The following CDH13 variants were observed in gnomAD, a reference collection of about 807,000 sequenced individuals.
The protein encoded by CDH13 is cadherin-13.
A neutral mutation model predicts 63.8 loss-of-function variants in CDH13; 24 were observed. That is an observed-to-expected ratio of 0.38 (90% CI 0.27 to 0.53). The LOEUF (loss-of-function observed/expected upper bound fraction) is 0.53. Among genes scored for constraint, CDH13 ranks in the 20% least tolerant of loss-of-function variants. CDH13 has a pLI of 0.85. For synonymous variants in CDH13, 503 were observed against 355.3 expected (o/e 1.42, Z -4.67); for missense variants, 1,049 against 903.1 (o/e 1.16, Z -2.07).
intron 2 of CDH13, among the ~76,000 whole-genome samples, chr16:82,907,099 C>T (rs968767115): frequency 6.6e-6 from 1 of 152,154 alleles, no homozygotes; most frequent in African/African-American, 2.4e-5. Flanking sequence ...TAATTGGCCT[C>T]TTATTCAAGG....
intron 6 of CDH13, among the ~76,000 whole-genome samples, chr16:83,424,076 A>G: frequency 6.6e-6 from 1 of 152,290 alleles, no homozygotes; most frequent in South Asian, 2.1e-4. Context: ...AGGGAAATCC[A>G]ACAGGGACTG....
At chr16:83,604,629 A>G (rs1908158478) in intron 8 of CDH13, among the ~76,000 whole-genome samples, 1 of 152,144 alleles carries the variant, frequency 6.6e-6, no homozygotes, top group East Asian at 1.9e-4. Context: ...GCTACCTTAT[A>G]TGGCTTATGG....
chr16:83,058,095 A>G (rs1431628651), intron 3 of CDH13, among the ~76,000 whole-genome samples: 1 of 152,254 alleles, frequency 6.6e-6, no homozygotes, highest in Non-Finnish European at 1.5e-5. Context: ...TCTTAAAAAT[A>G]TAAATCGTTA....
intron 2 of CDH13, among the ~76,000 whole-genome samples, chr16:82,910,394 C>A (rs972010101): frequency 1.3e-5 from 2 of 152,168 alleles, no homozygotes; most frequent in Non-Finnish European, 2.9e-5. Flanking sequence ...TTTAAAGTAC[C>A]TTCTTATCCC....
intron 1 of CDH13, among the ~76,000 whole-genome samples, chr16:82,690,783 C>G (rs1482425458): frequency 6.6e-6 from 1 of 152,238 alleles, no homozygotes; most frequent in Non-Finnish European, 1.5e-5. Context: ...GCACAACCTG[C>G]TCACACCTCT....
intron 1 of CDH13, among the ~76,000 whole-genome samples, chr16:82,830,494 T>C (rs2151112624): frequency 6.6e-6 from 1 of 152,244 alleles, no homozygotes; most frequent in East Asian, 1.9e-4. Context: ...TGGGGAGTGA[T>C]ACAGTGAAAG....
intron 1 of CDH13, among the ~76,000 whole-genome samples, chr16:82,812,208 C>A (rs2037481871): frequency 6.6e-6 from 1 of 152,144 alleles, no homozygotes; most frequent in Admixed American, 6.5e-5. Flanking sequence ...CCTGTGCATA[C>A]AGAGTAACTA....
chr16:83,665,657 T>C (rs1466406771), intron 8 of CDH13, among the ~76,000 whole-genome samples: 1 of 152,214 alleles, frequency 6.6e-6, no homozygotes. Context: ...ACTTTAGGGT[T>C]AATGGCTCGT....
At chr16:83,445,464 T>A (rs527793504) in intron 6 of CDH13, among the ~76,000 whole-genome samples, 2 of 152,160 alleles carry the variant, frequency 1.3e-5, no homozygotes, top group East Asian at 3.9e-4. Flanking sequence ...GGCTTCTGGG[T>A]CATTAAGGAG....
intron 6 of CDH13, among the ~76,000 whole-genome samples, chr16:83,357,870 G>C (rs1364165140): frequency 6.6e-6 from 1 of 152,166 alleles, no homozygotes; most frequent in African/African-American, 2.4e-5. Flanking sequence ...CCTCTAAGCA[G>C]GATCAATGGA....
chr16:82,954,400 C>G (rs535105584), intron 2 of CDH13: 1 of 152,194 alleles, frequency 6.6e-6, no homozygotes, highest in Non-Finnish European at 1.5e-5. Flanking sequence ...TCTGGTGACG[C>G]ACAAGGATGT....
chr16:83,432,577 C>G (rs1014902865), intron 6 of CDH13, among the ~76,000 whole-genome samples: 2 of 152,158 alleles, frequency 1.3e-5, no homozygotes, highest in African/African-American at 2.4e-5. Context: ...TCAAGAAAAG[C>G]TTTTAGACTG....
chr16:83,033,592 CG>C (rs1916580312), intron 3 of CDH13, among the ~76,000 whole-genome samples: 2 of 152,136 alleles, frequency 1.3e-5, no homozygotes, highest in African/African-American at 4.8e-5. Flanking sequence ...TCGTGCTTCT[CG>C]TTTGCCAGGC....
chr16:82,745,849 A>G (rs1015142365), intron 1 of CDH13, among the ~76,000 whole-genome samples: 3 of 152,090 alleles, frequency 2.0e-5, no homozygotes, highest in Non-Finnish European at 2.9e-5. Context: ...CAAACACCAA[A>G]TTTGGTCCTC....
At chr16:82,944,020 C>G (rs1468248497) in intron 2 of CDH13, among the ~76,000 whole-genome samples, 2 of 152,184 alleles carry the variant, frequency 1.3e-5, no homozygotes, top group Non-Finnish European at 2.9e-5. Flanking sequence ...AGCCCTTTAT[C>G]AGCTGAGTCC....
chr16:82,898,053 T>C (rs1209505470), intron 2 of CDH13, among the ~76,000 whole-genome samples: 2 of 152,180 alleles, frequency 1.3e-5, no homozygotes, highest in African/African-American at 2.4e-5. Context: ...ATATAAAACA[T>C]ATACAGTTCT....
intron 1 of CDH13, among the ~76,000 whole-genome samples, chr16:82,781,283 A>G (rs1264619238): frequency 6.6e-6 from 1 of 152,220 alleles, no homozygotes; most frequent in Non-Finnish European, 1.5e-5. Flanking sequence ...CATTCTCTAT[A>G]TTCGTCCAGC....
intron 6 of CDH13, among the ~76,000 whole-genome samples, chr16:83,457,291 A>T (rs1411175992): frequency 6.6e-6 from 1 of 152,166 alleles, no homozygotes; most frequent in African/African-American, 2.4e-5. Context: ...TTTGATAAAC[A>T]TTACCTCTAA....
chr16:83,742,292 C>A (rs1048564124), intron 10 of CDH13, among the ~76,000 whole-genome samples: 2 of 152,168 alleles, frequency 1.3e-5, no homozygotes, highest in Non-Finnish European at 2.9e-5. Context: ...GCGCTGCCTG[C>A]GACTCGAATT....
Sources: allele counts gnomAD v4.1 joint callset (sites outside exome capture counted in the v4.1 genomes callset), GRCh38; gene constraint gnomAD v4.1.1; transcripts MANE v1.5; gene names NCBI Gene and HGNC (gene_info 2026-07-23, HGNC 2026-07-21).